Variants in ADRA1A observed in about 807,000 individuals in gnomAD.
ADRA1A encodes the protein alpha-1A adrenergic receptor.
ADRA1A carries 31 observed loss-of-function variants against 29.6 expected under a neutral mutation model. The observed-to-expected ratio is 1.05, with a 90% CI of 0.79 to 1.41. ADRA1A has a LOEUF of 1.41. ADRA1A is among the 40% of genes most tolerant of loss of function. ADRA1A has a pLI of 0.00. For synonymous variants in ADRA1A, 311 were observed against 254.3 expected (o/e 1.22, Z -2.12); for missense variants, 619 against 601.1 (o/e 1.03, Z -0.31).
intron 2 of ADRA1A, chr8:26,779,067 A>G (rs1255323161): frequency 2.6e-6 from 1 of 380,402 alleles, no homozygotes; most frequent in Non-Finnish European, 4.6e-6. Context: ...TATTTATTTC[A>G]CGGTACATAT....
At chr8:26,863,666 T>C (rs931816413) in intron 2 of ADRA1A, among the ~76,000 whole-genome samples, 3 of 152,286 alleles carry the variant, frequency 2.0e-5, no homozygotes, top group Admixed American at 6.5e-5. Flanking sequence ...ATAAGCATGG[T>C]ACTTATTTTC....
At position 26,770,234 on chromosome 8, in the gene ADRA1A, G is replaced by A. The variant is rs1806034638; in HGVS notation, c.1316C>T (p.Ser439Leu). ...ATGGTTCTTGTCAAGGCTGGGGGTT[G>A]AGGGCCCTACACAGCAGCAGACCTG... ...FLQVCCCVGPSTPSLDKNHQV... is the reference protein window; with the variant it reads ...FLQVCCCVGPLTPSLDKNHQV... The change falls in exon 3 of 3, where the codon TCA becomes TTA. Residue 439 changes from serine to leucine, a missense_variant. Transcript: ENST00000380573. 1.2e-6 allele frequency: 2 copies of A among 1,611,468 alleles called. No individual in the cohort carries two copies. The highest frequency in any genetic ancestry group is 1.7e-6 in the Non-Finnish European group (2 of 1,178,336).
At position 26,865,355 on chromosome 8, in the gene ADRA1A, A is replaced by C. The variant is rs1813830727; in HGVS notation, c.-386T>G. 9.5e-7 allele frequency: 1 copy of C among 1,057,628 alleles called. No individual in the cohort carries two copies. Among genetic ancestry groups the C allele is most frequent in the African/African-American group, 1.7e-5 (1 of 59,298 alleles). 65.5% of individuals were successfully genotyped at this position (1,057,628 alleles called of 1,614,324 possible). Reference sequence around the variant, plus strand: ...AGAATCTGCTTTTCCGCGCTGTCTTATTCGTCCTGGCTGGGGGAAGATTCA... The same window carrying C: ...AGAATCTGCTTTTCCGCGCTGTCTTCTTCGTCCTGGCTGGGGGAAGATTCA... On this transcript the variant is annotated 5_prime_UTR_variant, in exon 2 of 3. Transcript: ENST00000380573. The surrounding 1 kb of genome is among the most constrained non-coding windows in gnomAD (Gnocchi z 7.6).
rs1042356139 is a variant in ADRA1A, at chr8:26,769,612, T to C, written c.*537A>G. On this transcript the variant is annotated 3_prime_UTR_variant, in exon 3 of 3. Coordinates refer to ENST00000380573, the MANE Select transcript of ADRA1A (RefSeq NM_000680.4). ...CCCTCAAGCTGAGAAATTGGATGTA[T>C]CAGAAAGGGTGGAGTTTCAGGACTT... is the stretch of plus-strand genomic sequence containing the variant. The C allele has an allele frequency of 7.1e-6, 7 of 985,558 alleles. No individual in the cohort carries two copies. The highest frequency in any genetic ancestry group is 8.4e-6 in the Non-Finnish European group (7 of 830,056). The allele number at this position is 985,558 out of a possible 1,614,324, so 61.1% of individuals were successfully genotyped here. A position where few individuals can be genotyped will look rare whatever the true frequency, so the allele number is the denominator to read the frequency against.
In ADRA1A at chr8:26,846,764, C is replaced by T. The variant is rs924808594; in HGVS notation, c.883+17323G>A. ...TCCAGCCTGGGTAACAGTGAGACAT[C>T]GTCTCAAAAAACGAAACAAAAATTA... On this transcript the variant is annotated intron_variant, in intron 2 of 2. Coordinates refer to ENST00000380573, the MANE Select transcript of ADRA1A (RefSeq NM_000680.4). Among the ~76,000 whole-genome samples the T allele has an allele frequency of 2.6e-5, 4 of 152,276 alleles. No individual in the cohort carries two copies. The South Asian group carries it at 6.2e-4, about 24-fold the overall frequency.
chr8:26,769,095 A>G lies in ADRA1A; in HGVS notation c.*1054T>C. ...TTCCAACATGCCACAGGTGAAGCTC[A>G]TTCATTATGCAATAGTGAAGCAGAT... is the stretch of plus-strand genomic sequence containing the variant. On this transcript the variant is annotated 3_prime_UTR_variant, in exon 3 of 3. Coordinates refer to ENST00000380573, the MANE Select transcript of ADRA1A (RefSeq NM_000680.4). The G allele has an allele frequency of 1.0e-6, 1 of 985,184 alleles. No homozygotes were observed. The highest frequency in any genetic ancestry group is 1.7e-5 in the African/African-American group (1 of 57,364). 61.0% of individuals were successfully genotyped at this position (985,184 alleles called of 1,614,324 possible).
At chr8:26,838,683 G>A (rs972163068) in intron 2 of ADRA1A, among the ~76,000 whole-genome samples, 1 of 152,106 alleles carries the variant, frequency 6.6e-6, no homozygotes, top group Non-Finnish European at 1.5e-5. Flanking sequence ...GGAGAACCAG[G>A]GTCATTCAAA....
At chr8:26,778,341 C>A (rs969049575) in intron 2 of ADRA1A, among the ~76,000 whole-genome samples, 1 of 152,056 alleles carries the variant, frequency 6.6e-6, no homozygotes, top group African/African-American at 2.4e-5. Flanking sequence ...GATTCTCTAC[C>A]CCACTCCCTT....
chr8:26,770,327 G>T lies in ADRA1A; in HGVS notation c.1223C>A (p.Ala408Asp), dbSNP rs368275566. The change falls in exon 3 of 3, where the codon GCC (alanine) becomes GAC (aspartate). Residue 408 changes from alanine to aspartate, a missense_variant. Ala to Asp is a moderately radical substitution (Grantham distance 126). Transcript: ENST00000380573. ...KFFSSMPRGS[A>D]RITVSKDQSS... ...TTGGTCTTTGGACACTGTAATCCTG[G>T]CAGATCCACGGGGCATGGAAGAGAA... The T allele has an allele frequency of 6.2e-6, 10 of 1,614,074 alleles. No homozygotes were observed. The highest frequency in any genetic ancestry group is 3.4e-6 in the Non-Finnish European group (4 of 1,180,044).
At chr8:26,765,851 A>G (rs78293516), downstream of ADRA1A, 9,931 of 1,407,700 alleles carry the variant, frequency 7.1e-3, 43 homozygotes, top group Non-Finnish European at 8.4e-3. Flanking sequence ...AGTAGCTGTG[A>G]TCAGAGTGAA....
At chr8:26,753,063 A>G (rs561281806), downstream of ADRA1A, among the ~76,000 whole-genome samples, 14 of 152,302 alleles carry the variant, frequency 9.2e-5, no homozygotes, top group Admixed American at 3.9e-4. Flanking sequence ...CATGTCCCCA[A>G]GGAGGAAACC....
intron 2 of ADRA1A, among the ~76,000 whole-genome samples, chr8:26,826,307 A>G (rs1429131030): frequency 1.3e-5 from 2 of 152,252 alleles, no homozygotes; most frequent in Admixed American, 6.5e-5. Context: ...TCAGGGACCC[A>G]GGCTCCTTCC....
intron 2 of ADRA1A, among the ~76,000 whole-genome samples, chr8:26,784,355 C>A (rs1807219819): frequency 6.6e-6 from 1 of 152,204 alleles, no homozygotes. Flanking sequence ...CCAATATCTG[C>A]TCCAATTAGG....
chr8:26,800,937 C>G (rs995476217), intron 2 of ADRA1A, among the ~76,000 whole-genome samples: 18 of 152,224 alleles, frequency 1.2e-4, no homozygotes, highest in African/African-American at 2.9e-4. Context: ...TCATGACCAA[C>G]TGAGATTCAT....
chr8:26,800,476 T>C (rs1563262639), intron 2 of ADRA1A, among the ~76,000 whole-genome samples: 3 of 152,160 alleles, frequency 2.0e-5, no homozygotes, highest in Admixed American at 6.6e-5. Flanking sequence ...AATACCTATA[T>C]GCCAAAATGA....
chr8:26,828,826 T>C (rs775220115), intron 2 of ADRA1A, among the ~76,000 whole-genome samples: 10 of 152,138 alleles, frequency 6.6e-5, no homozygotes, highest in Non-Finnish European at 1.3e-4. Flanking sequence ...GGCTATTTGC[T>C]AGGGACACGT....
chr8:26,822,086 C>A (rs944026096), intron 2 of ADRA1A, among the ~76,000 whole-genome samples: 4 of 152,200 alleles, frequency 2.6e-5, no homozygotes, highest in African/African-American at 9.7e-5. Context: ...CATAAATTTT[C>A]ATCTCTCTAG....
chr8:26,810,184 G>A (rs1326380455), intron 2 of ADRA1A, among the ~76,000 whole-genome samples: 1 of 152,216 alleles, frequency 6.6e-6, no homozygotes, highest in African/African-American at 2.4e-5. Flanking sequence ...GTCAACACAA[G>A]TACCAAAGTA....
intron 2 of ADRA1A, among the ~76,000 whole-genome samples, chr8:26,777,204 T>C (rs1806613061): frequency 6.6e-6 from 1 of 152,194 alleles, no homozygotes; most frequent in African/African-American, 2.4e-5. Flanking sequence ...TTTTAGATTA[T>C]CTACCTTAGA....
Sources: gnomAD v4.1 joint callset for allele counts (sites outside exome capture counted in the v4.1 genomes callset) on GRCh38, gnomAD v4.1.1 for gene constraint, Gnocchi (gnomAD v3.1) non-coding constraint, MANE v1.5 for transcripts, NCBI Gene and HGNC (gene_info 2026-07-23, HGNC 2026-07-21) for gene names.